The following MNAT1 variants were observed in gnomAD, a reference collection of about 807,000 sequenced individuals.
MNAT1 encodes the protein MNAT1 component of CDK activating kinase.
In MNAT1, 43 loss-of-function variants were observed where a neutral mutation model predicts 42.0. The ratio of observed to expected loss-of-function variants is 1.02; its 90% CI spans 0.80 to 1.32. The LOEUF is 1.32. MNAT1 is among the 40% of genes most tolerant of loss of function. The probability of loss-of-function intolerance (pLI) is 0.00; values close to 1 mark genes in which losing one functional copy is unlikely to be tolerated. For synonymous variants in MNAT1, 118 were observed against 120.0 expected, an observed-to-expected ratio of 0.98 and a Z score of 0.11; for missense variants, 306 against 350.4, an observed-to-expected ratio of 0.87 and a Z score of 1.01.
intron 6 of MNAT1, among the ~76,000 whole-genome samples, chr14:60,861,656 A>G (rs1215992142): frequency 1.3e-5 from 2 of 152,232 alleles, no homozygotes; most frequent in African/African-American, 2.4e-5. Context: ...GCAAGAAAAT[A>G]TTCACCTGAA....
At chr14:60,878,060 C>G in intron 6 of MNAT1, among the ~76,000 whole-genome samples, 1 of 150,244 alleles carries the variant, frequency 6.7e-6, no homozygotes, top group South Asian at 2.1e-4. Flanking sequence ...TTTGAGCTTT[C>G]AAAAAAAACA....
At chr14:60,887,747 A>T (rs1276585723) in intron 7 of MNAT1, among the ~76,000 whole-genome samples, 1 of 151,920 alleles carries the variant, frequency 6.6e-6, no homozygotes, top group Non-Finnish European at 1.5e-5. Flanking sequence ...TAGATGCAAT[A>T]AAAAATGATA....
chr14:60,779,428 T>C (rs2031366516), intron 1 of MNAT1, among the ~76,000 whole-genome samples: 1 of 152,118 alleles, frequency 6.6e-6, no homozygotes, highest in Admixed American at 6.5e-5. Flanking sequence ...AACTACAGCA[T>C]TGGGACTATA....
At chr14:60,884,683 G>A (rs2034623044) in intron 7 of MNAT1, among the ~76,000 whole-genome samples, 1 of 151,926 alleles carries the variant, frequency 6.6e-6, no homozygotes, top group African/African-American at 2.4e-5. Flanking sequence ...TAGTTATTAT[G>A]TTTAATTGAT....
intron 1 of MNAT1, among the ~76,000 whole-genome samples, chr14:60,793,065 C>G (rs989667927): frequency 1.3e-5 from 2 of 151,772 alleles, no homozygotes; most frequent in East Asian, 3.9e-4. Context: ...GTCGCCCAGA[C>G]TGGAGTTCAC....
Position 60,858,610 on chromosome 14 carries a change from C to T in MNAT1, c.688-21104C>T, listed in dbSNP as rs1042803634. Among the ~76,000 whole-genome samples the T allele has an allele frequency of 4.1e-4, 63 of 152,248 alleles. 1 individual carries two copies. Among genetic ancestry groups the T allele is most frequent in the African/African-American group, 1.3e-3 (56 of 41,550 alleles). On this transcript the variant is annotated intron_variant, in intron 6 of 7. Transcript: ENST00000261245. ...TGCGTTAAATGCTTTCAAACAGCAT[C>T]ATGTGCTACAGAGAACTCTTTCATG... is the stretch of plus-strand genomic sequence containing the variant.
chr14:60,843,917 G>T (rs1256364915), intron 6 of MNAT1, among the ~76,000 whole-genome samples: 1 of 152,102 alleles, frequency 6.6e-6, no homozygotes, highest in Non-Finnish European at 1.5e-5. Flanking sequence ...TGTAGTTTTT[G>T]CATTTATAGT....
intron 6 of MNAT1, among the ~76,000 whole-genome samples, chr14:60,865,620 A>ACAAG (rs1263520635): frequency 6.6e-6 from 1 of 152,096 alleles, no homozygotes; most frequent in Non-Finnish European, 1.5e-5. Flanking sequence ...TGGTAATAAG[A>ACAAG]CAAGCATCAG....
chr14:60,784,316 G>A (rs1427709799), intron 1 of MNAT1, among the ~76,000 whole-genome samples: 2 of 148,860 alleles, frequency 1.3e-5, no homozygotes, highest in African/African-American at 4.9e-5. Flanking sequence ...GAGCCACTGC[G>A]CCCAGCCACC....
At chr14:60,809,726 A>G (rs764947152) in intron 4 of MNAT1, among the ~76,000 whole-genome samples, 2 of 152,038 alleles carry the variant, frequency 1.3e-5, no homozygotes, top group Non-Finnish European at 2.9e-5. Context: ...ATGTTGTATG[A>G]TCCTTTTAAT....
chr14:60,964,260 T>TA (rs1392035359), intron 7 of MNAT1, among the ~76,000 whole-genome samples: 1 of 152,182 alleles, frequency 6.6e-6, no homozygotes, highest in African/African-American at 2.4e-5. Flanking sequence ...AATCGTATCT[T>TA]ACGCCCTTCT....
chr14:60,818,030 A>G (rs775062275), intron 5 of MNAT1, among the ~76,000 whole-genome samples: 1 of 152,008 alleles, frequency 6.6e-6, no homozygotes, highest in Non-Finnish European at 1.5e-5. Flanking sequence ...CATTTAGTTT[A>G]GACCTTAACT....
At chr14:60,745,374 T>G (rs1331892444) in intron 1 of MNAT1, among the ~76,000 whole-genome samples, 1 of 152,228 alleles carries the variant, frequency 6.6e-6, no homozygotes, top group African/African-American at 2.4e-5. Context: ...AGCATTTACT[T>G]CCTCCTGTAG....
At chr14:60,900,903 C>T (rs574313312) in intron 7 of MNAT1, among the ~76,000 whole-genome samples, 1 of 149,860 alleles carries the variant, frequency 6.7e-6, no homozygotes, top group South Asian at 2.1e-4. Context: ...GGGAGAATCA[C>T]CTGAGCCTGG....
rs150642942 is a variant in MNAT1, at chr14:60,866,974, A to T, written c.688-12740A>T. Among the ~76,000 whole-genome samples, 787 of 152,166 alleles carry T rather than the reference A, an allele frequency of 5.2e-3. 14 individuals are homozygous for T. The highest frequency in any genetic ancestry group is 0.018 in the African/African-American group (738 of 41,556). On this transcript the variant is annotated intron_variant, in intron 6 of 7. Coordinates refer to ENST00000261245, the MANE Select transcript of MNAT1 (RefSeq NM_002431.4). ...TTTTTCTGTGTGGAACACTAATTAG[A>T]GTATGTGTTTAAGGAGGAGATTACA...
intron 7 of MNAT1, among the ~76,000 whole-genome samples, chr14:60,965,412 T>G (rs1004529269): frequency 6.6e-6 from 1 of 152,218 alleles, no homozygotes; most frequent in Non-Finnish European, 1.5e-5. Flanking sequence ...TATGGAAACA[T>G]GGCCATAAAT....
At chr14:60,817,815 G>C (rs1200165363) in intron 5 of MNAT1, among the ~76,000 whole-genome samples, 1 of 151,914 alleles carries the variant, frequency 6.6e-6, no homozygotes, top group African/African-American at 2.4e-5. Context: ...TGGTATAGGA[G>C]ATAAAAATGT....
intron 7 of MNAT1, among the ~76,000 whole-genome samples, chr14:60,940,640 A>G (rs1215858990): frequency 1.3e-5 from 2 of 152,136 alleles, no homozygotes; most frequent in African/African-American, 4.8e-5. Flanking sequence ...GATGGTCTCA[A>G]TCTTCTGACC....
At chr14:60,935,520 G>C (rs1304787319) in intron 7 of MNAT1, among the ~76,000 whole-genome samples, 1 of 152,096 alleles carries the variant, frequency 6.6e-6, no homozygotes, top group Non-Finnish European at 1.5e-5. Context: ...TTTATTCCTT[G>C]TCTTCAAGAA....
Sources: allele counts gnomAD v4.1 joint callset (sites outside exome capture counted in the v4.1 genomes callset), GRCh38; gene constraint gnomAD v4.1.1; transcripts MANE v1.5; gene names NCBI Gene and HGNC (gene_info 2026-07-23, HGNC 2026-07-21).